The following MAGI2 variants were observed in gnomAD, a reference collection of about 807,000 sequenced individuals.
MAGI2 encodes membrane associated guanylate kinase, WW and PDZ domain containing 2.
Under a neutral mutation model 133.3 loss-of-function variants are expected in MAGI2, and 35 were observed. The ratio of observed to expected loss-of-function variants is 0.26; its 90% CI spans 0.20 to 0.35. The LOEUF (loss-of-function observed/expected upper bound fraction) is 0.35. Ranked by LOEUF, MAGI2 falls within the 10% of genes least tolerant of loss-of-function variation. The probability of loss-of-function intolerance (pLI) is 1.00; values close to 1 mark genes in which losing one functional copy is unlikely to be tolerated. For synonymous variants in MAGI2, 729 were observed against 710.6 expected (o/e 1.03, Z -0.41); for missense variants, 1,636 against 1,863.4 (o/e 0.88, Z 2.25).
chr7:78,716,585 G>C (rs1046502569), intron 2 of MAGI2, among the ~76,000 whole-genome samples: 3 of 152,146 alleles, frequency 2.0e-5, no homozygotes, highest in African/African-American at 7.2e-5. Context: ...TGTTGTTGCT[G>C]TTTTTACAAA....
chr7:79,339,556 A>G (rs1180301044), intron 1 of MAGI2, among the ~76,000 whole-genome samples: 2 of 150,962 alleles, frequency 1.3e-5, no homozygotes, highest in Non-Finnish European at 2.9e-5. Flanking sequence ...CAGGGCATAT[A>G]CAATTTATTC....
intron 5 of MAGI2, among the ~76,000 whole-genome samples, chr7:78,491,518 G>A (rs80348377): frequency 1.3e-5 from 2 of 151,912 alleles, no homozygotes; most frequent in African/African-American, 4.8e-5. Flanking sequence ...CTCTCAACAG[G>A]GCTCTAATAA....
At chr7:79,372,086 G>A (rs910623814) in intron 1 of MAGI2, among the ~76,000 whole-genome samples, 1 of 151,918 alleles carries the variant, frequency 6.6e-6, no homozygotes, top group Admixed American at 6.6e-5. Flanking sequence ...CTAAATAATC[G>A]AAATCTGCAT....
chr7:78,414,558 A>G (rs1364609718), intron 6 of MAGI2, among the ~76,000 whole-genome samples: 1 of 152,072 alleles, frequency 6.6e-6, no homozygotes, highest in Non-Finnish European at 1.5e-5. Context: ...TTAAAAGACC[A>G]AGAGAGGGGA....
chr7:78,527,029 A>AAAAAAAAAAAAAAAAAAAAAAAAAG (rs1563125198), intron 3 of MAGI2, among the ~76,000 whole-genome samples: 5 of 124,826 alleles, frequency 4.0e-5, no homozygotes, highest in Admixed American at 8.4e-5. Flanking sequence ...AAAAAAAAAA[A>AAAAAAAAAAAAAAAAAAAAAAAAAG]AAAAAGAAAA....
At chr7:78,749,238 A>T (rs975497640) in intron 2 of MAGI2, among the ~76,000 whole-genome samples, 1 of 152,188 alleles carries the variant, frequency 6.6e-6, no homozygotes, top group Admixed American at 6.5e-5. Flanking sequence ...TAGGATTTAC[A>T]TACATGGAGT....
intron 21 of MAGI2, among the ~76,000 whole-genome samples, chr7:78,070,210 TATATATATACACAC>T (rs1218896465): frequency 3.5e-3 from 193 of 55,356 alleles, no homozygotes; most frequent in South Asian, 9.4e-3. Flanking sequence ...TATATATATA[TATATATATACACAC>T]ACACACACAG....
At chr7:78,090,207 C>G (rs1304074319) in intron 20 of MAGI2, among the ~76,000 whole-genome samples, 1 of 152,234 alleles carries the variant, frequency 6.6e-6, no homozygotes, top group Non-Finnish European at 1.5e-5. Context: ...GTCCACTGCT[C>G]TTACAGCTAT....
chr7:78,735,899 CAAGA>C (rs1268893085), intron 2 of MAGI2, among the ~76,000 whole-genome samples: 3 of 152,184 alleles, frequency 2.0e-5, no homozygotes, highest in African/African-American at 7.2e-5. Flanking sequence ...ACAATTTGTA[CAAGA>C]AAGTAGACCG....
chr7:78,642,130 T>A (rs1584939514), intron 2 of MAGI2, among the ~76,000 whole-genome samples: 1 of 152,240 alleles, frequency 6.6e-6, no homozygotes, highest in East Asian at 1.9e-4. Context: ...CTGTTGTATC[T>A]GTAATATCCC....
chr7:79,321,574 C>G (rs149652300), intron 1 of MAGI2, among the ~76,000 whole-genome samples: 2 of 152,124 alleles, frequency 1.3e-5, no homozygotes, highest in Non-Finnish European at 2.9e-5. Context: ...TGTGAGAGAA[C>G]AAATTTTTTT....
intron 1 of MAGI2, among the ~76,000 whole-genome samples, chr7:79,378,057 T>G (rs929428980): frequency 6.6e-6 from 1 of 151,848 alleles, no homozygotes; most frequent in African/African-American, 2.4e-5. Flanking sequence ...ACAGATGCTG[T>G]TCCTTCTAAG....
chr7:78,536,736 G>GTTT (rs1027981881), intron 3 of MAGI2, among the ~76,000 whole-genome samples: 6,064 of 138,222 alleles, frequency 0.044, 160 homozygotes, highest in Non-Finnish European at 0.065. Flanking sequence ...AATTTCAATA[G>GTTT]TTTTTTTTTT....
At chr7:78,082,793 G>T (rs1816124822) in intron 20 of MAGI2, among the ~76,000 whole-genome samples, 1 of 152,160 alleles carries the variant, frequency 6.6e-6, no homozygotes, top group South Asian at 2.1e-4. Context: ...GCTGACTCAC[G>T]GGGACCTGGT....
At chr7:78,649,235 A>AAAAAAAAAAAAAAAAAAAAAAAAT (rs1554512632) in intron 2 of MAGI2, among the ~76,000 whole-genome samples, 2 of 73,976 alleles carry the variant, frequency 2.7e-5, no homozygotes, top group African/African-American at 4.5e-5. Context: ...AAAAAAAAAA[A>AAAAAAAAAAAAAAAAAAAAAAAAT]GAAAAAAAAA....
intron 1 of MAGI2, among the ~76,000 whole-genome samples, chr7:79,451,178 A>G (rs1290751386): frequency 6.6e-6 from 1 of 152,208 alleles, no homozygotes; most frequent in Non-Finnish European, 1.5e-5. Context: ...TGAACACAAC[A>G]TTTAAGATGT....
At chr7:79,346,639 G>C (rs1333818912) in intron 1 of MAGI2, among the ~76,000 whole-genome samples, 1 of 151,890 alleles carries the variant, frequency 6.6e-6, no homozygotes, top group African/African-American at 2.4e-5. Context: ...AACAAAGTCT[G>C]TGCTTCTGGT....
At chr7:78,814,326 G>GA (rs1232078898) in intron 2 of MAGI2, among the ~76,000 whole-genome samples, 1 of 152,052 alleles carries the variant, frequency 6.6e-6, no homozygotes, top group Non-Finnish European at 1.5e-5. Flanking sequence ...GTAGGAACTA[G>GA]AAAAAAATAA....
intron 2 of MAGI2, among the ~76,000 whole-genome samples, chr7:78,722,512 T>C (rs998862216): frequency 6.6e-6 from 1 of 152,054 alleles, no homozygotes; most frequent in African/African-American, 2.4e-5. Context: ...AGACACTATT[T>C]TCATTCTTAT....
Sources: allele counts gnomAD v4.1 joint callset (sites outside exome capture counted in the v4.1 genomes callset), GRCh38; gene constraint gnomAD v4.1.1; transcripts MANE v1.5; gene names NCBI Gene and HGNC (gene_info 2026-07-23, HGNC 2026-07-21).